The following CCDC197 variants were observed in gnomAD, a reference collection of about 807,000 sequenced individuals.
The protein encoded by CCDC197 is coiled-coil domain containing 197, also known as uncharacterized protein CCDC197.
In CCDC197, 24 loss-of-function variants were observed where a neutral mutation model predicts 13.4. That is an observed-to-expected ratio of 1.80 (90% CI 1.30 to 2.53). The LOEUF (loss-of-function observed/expected upper bound fraction) is 2.53. Among genes scored for constraint, CCDC197 ranks in the 30% most tolerant of loss-of-function variants. CCDC197 has a pLI of 0.00. For synonymous variants in CCDC197, 99 were observed against 55.5 expected (o/e 1.78, Z -3.48); for missense variants, 255 against 148.8 (o/e 1.71, Z -3.71).
chr14:93,998,889 C>T (rs1382282983), intron 2 of CCDC197, among the ~76,000 whole-genome samples: 3 of 152,230 alleles, frequency 2.0e-5, no homozygotes, highest in South Asian at 2.1e-4. Flanking sequence ...TCAGAAACCC[C>T]CAGCACAGCC....
rs1319490856 is a variant in CCDC197 at position 94,003,858 on chromosome 14, C to T, written c.498+504C>T. Among the ~76,000 whole-genome samples, 7 of 152,168 alleles carry T rather than the reference C, an allele frequency of 4.6e-5. No individual in the cohort carries two copies. Among genetic ancestry groups the T allele is most frequent in the African/African-American group, 1.7e-4 (7 of 41,448 alleles). On this transcript the variant is annotated intron_variant, in intron 5 of 6. Transcript: ENST00000636493. This position sits in a 1 kb window ranked among gnomAD's most constrained non-coding sequence, Gnocchi z 5.0. ...ACAGAGCTCTGCCAAGAACCAGAGC[C>T]GGGATCCACCGGCCCAGTCCCAGGG...
At chr14:93,999,117 G>GC (rs1380408337) in intron 2 of CCDC197, among the ~76,000 whole-genome samples, 1 of 152,206 alleles carries the variant, frequency 6.6e-6, no homozygotes, top group Non-Finnish European at 1.5e-5. Flanking sequence ...CTGATGGAGT[G>GC]CCCCCAAGGC....
intron 1 of CCDC197, among the ~76,000 whole-genome samples, chr14:93,989,831 T>C (rs1443921716): frequency 6.6e-6 from 1 of 152,164 alleles, no homozygotes; most frequent in Non-Finnish European, 1.5e-5. Flanking sequence ...GGGCCTCTTA[T>C]CTGGAGGCCC....
At chr14:93,995,094 C>T (rs1332830743), upstream of CCDC197, among the ~76,000 whole-genome samples, 1 of 152,200 alleles carries the variant, frequency 6.6e-6, no homozygotes, top group East Asian at 1.9e-4. Flanking sequence ...GTGCTTAGAC[C>T]TGAGCCACAC....
chr14:93,998,745 C>T (rs949281345), intron 2 of CCDC197, among the ~76,000 whole-genome samples: 6 of 152,250 alleles, frequency 3.9e-5, no homozygotes, highest in South Asian at 2.1e-4. Context: ...GATCCCAATA[C>T]GGTTTAGCAC....
In CCDC197 at chr14:93,998,178, G is replaced by T. The variant is rs781222164; in HGVS notation, c.47G>T (p.Gly16Val). The change falls in exon 2 of 7, where the codon GGT becomes GTT. Residue 16 changes from glycine (G) to valine (V), a missense_variant. Gly to Val is a moderately radical substitution (Grantham distance 109). Coordinates refer to ENST00000636493, the MANE Select transcript of CCDC197 (RefSeq NM_001351596.2). ...CAGAGAGCTGACCCAAGCAATCCTG[G>T]TGACAAGGAAGGGGACCTTCAAGGG... is the stretch of plus-strand genomic sequence containing the variant. ...TGQRADPSNP[G>V]DKEGDLQGLW... 1 of 780,826 alleles carries T rather than the reference G, an allele frequency of 1.3e-6. No individual in the cohort carries two copies. Among genetic ancestry groups the T allele is most frequent in the Non-Finnish European group, 2.4e-6 (1 of 418,138 alleles). 48.4% of individuals were successfully genotyped at this position (780,826 alleles called of 1,614,324 possible).
Position 94,002,215 on chromosome 14 carries a change from C to G in CCDC197, c.366+892C>G, listed in dbSNP as rs565842378. Among the ~76,000 whole-genome samples the G allele has an allele frequency of 2.0e-5, 3 of 152,196 alleles. No homozygotes were observed. In the South Asian group the frequency reaches 6.2e-4, roughly 32 times the overall value. On this transcript the variant is annotated intron_variant, in intron 4 of 6. Coordinates refer to ENST00000636493, the MANE Select transcript of CCDC197 (RefSeq NM_001351596.2). ...AGCGGGGCCACGGGGGTATGTCCTG[C>G]GTCTGTCTTTCTCTCTCTCTTTCTT...
upstream of CCDC197, among the ~76,000 whole-genome samples, chr14:93,994,135 G>A (rs554449355): frequency 2.2e-4 from 34 of 152,298 alleles, no homozygotes; most frequent in East Asian, 6.6e-3. Context: ...AACTACATCT[G>A]GAATCCCTGG....
upstream of CCDC197, among the ~76,000 whole-genome samples, chr14:93,993,415 T>A (rs552679983): frequency 6.6e-6 from 1 of 152,356 alleles, no homozygotes; most frequent in East Asian, 1.9e-4. Flanking sequence ...ATGCTAAGTG[T>A]TGTACGTGGA....
chr14:93,992,352 C>T (rs1371629808), upstream of CCDC197, among the ~76,000 whole-genome samples: 4 of 152,162 alleles, frequency 2.6e-5, no homozygotes, highest in East Asian at 1.9e-4. Context: ...ACAGCCTTGC[C>T]GGGCCAACCC....
chr14:94,010,294 C>A (rs1013534131), downstream of CCDC197, among the ~76,000 whole-genome samples: 1 of 152,210 alleles, frequency 6.6e-6, no homozygotes, highest in Non-Finnish European at 1.5e-5. Context: ...ACCTCCACCT[C>A]CCGGGTTTAA....
At chr14:93,996,998 T>C (rs1222744183), upstream of CCDC197, among the ~76,000 whole-genome samples, 1 of 151,980 alleles carries the variant, frequency 6.6e-6, no homozygotes, top group Non-Finnish European at 1.5e-5. Flanking sequence ...CAAAATCAGG[T>C]GGGATGGGGT....
At chr14:93,994,613 C>A (rs1262994833), upstream of CCDC197, among the ~76,000 whole-genome samples, 1 of 152,156 alleles carries the variant, frequency 6.6e-6, no homozygotes, top group African/African-American at 2.4e-5. Flanking sequence ...ACACTTCAGG[C>A]CAAAAATGAA....
chr14:93,992,512 T>C (rs58583188), upstream of CCDC197, among the ~76,000 whole-genome samples: 3 of 152,094 alleles, frequency 2.0e-5, no homozygotes, highest in Non-Finnish European at 4.4e-5. Context: ...AAGAAAACAG[T>C]TGATGATGCC....
intron 1 of CCDC197, among the ~76,000 whole-genome samples, chr14:93,988,244 G>A (rs1240813250): frequency 1.1e-5 from 1 of 89,768 alleles, no homozygotes; most frequent in African/African-American, 4.6e-5. Context: ...GAGAGGGGAT[G>A]AGAGAGGGGA....
At chr14:93,998,802 G>A (rs1890400455) in intron 2 of CCDC197, among the ~76,000 whole-genome samples, 1 of 152,200 alleles carries the variant, frequency 6.6e-6, no homozygotes, top group African/African-American at 2.4e-5. Flanking sequence ...GAAGGATGAT[G>A]TTGTCCTGCA....
intron 1 of CCDC197, among the ~76,000 whole-genome samples, chr14:93,989,728 T>C (rs1890173627): frequency 6.6e-6 from 1 of 152,190 alleles, no homozygotes; most frequent in Admixed American, 6.5e-5. Context: ...AGAGGGTCTT[T>C]GCTGAACCAG....
At chr14:93,997,842 C>G (rs1387585469) in intron 1 of CCDC197, among the ~76,000 whole-genome samples, 157 bp from the exon 2 acceptor site, 2 of 152,152 alleles carry the variant, frequency 1.3e-5, no homozygotes, top group East Asian at 3.8e-4. Flanking sequence ...AAACAAGGCC[C>G]CTGCAGAATG....
chr14:94,000,473 C>G (rs1050213099), intron 3 of CCDC197, among the ~76,000 whole-genome samples: 1 of 152,068 alleles, frequency 6.6e-6, no homozygotes. Context: ...CTGGAGGAGG[C>G]GACCTCTCAT....
Sources: gnomAD v4.1 joint callset for allele counts (sites outside exome capture counted in the v4.1 genomes callset) on GRCh38, gnomAD v4.1.1 for gene constraint, Gnocchi (gnomAD v3.1) non-coding constraint, MANE v1.5 for transcripts, NCBI Gene and HGNC (gene_info 2026-07-23, HGNC 2026-07-21) for gene names.